The following CHST11 variants were observed in gnomAD, a reference collection of about 807,000 sequenced individuals.
The protein encoded by CHST11 is carbohydrate sulfotransferase 11, also known as C4S-1.
CHST11 carries 9 observed loss-of-function variants against 30.4 expected under a neutral mutation model. The observed-to-expected ratio is 0.30, with a 90% CI of 0.18 to 0.52. The LOEUF is 0.52. Among genes scored for constraint, CHST11 ranks in the 20% least tolerant of loss-of-function variants. CHST11 has a pLI of 0.97. For missense variants in CHST11, 348 were observed against 460.6 expected, an observed-to-expected ratio of 0.76 and a Z score of 2.24; for synonymous variants, 152 against 187.8, an observed-to-expected ratio of 0.81 and a Z score of 1.56.
At chr12:104,734,627 T>A (rs1002736276) in intron 2 of CHST11, among the ~76,000 whole-genome samples, 4 of 152,094 alleles carry the variant, frequency 2.6e-5, no homozygotes, top group Non-Finnish European at 4.4e-5. Flanking sequence ...TGGGGAGGAA[T>A]GAGGACCTGG....
intron 1 of CHST11, among the ~76,000 whole-genome samples, chr12:104,526,267 G>T (rs1453388372): frequency 6.6e-6 from 1 of 151,932 alleles, no homozygotes; most frequent in African/African-American, 2.4e-5. Context: ...ATTTCTCTTG[G>T]TGTTTTTGTT....
intron 2 of CHST11, among the ~76,000 whole-genome samples, chr12:104,721,201 G>C (rs1195895089): frequency 6.6e-6 from 1 of 152,210 alleles, no homozygotes; most frequent in Non-Finnish European, 1.5e-5. Flanking sequence ...AGGCATCACA[G>C]ATTTAAGGAG....
intron 1 of CHST11, among the ~76,000 whole-genome samples, chr12:104,468,239 G>C (rs2037476913): frequency 6.6e-6 from 1 of 152,158 alleles, no homozygotes; most frequent in South Asian, 2.1e-4. Context: ...GATTGAAGGA[G>C]ATGAGGGTAG....
At chr12:104,608,994 G>A (rs1053482894) in intron 2 of CHST11, among the ~76,000 whole-genome samples, 1 of 152,206 alleles carries the variant, frequency 6.6e-6, no homozygotes, top group East Asian at 1.9e-4. Context: ...CAGGCCAGGC[G>A]TCAGATGGAC....
intron 1 of CHST11, among the ~76,000 whole-genome samples, chr12:104,529,383 CTT>C (rs2038158811): frequency 6.6e-6 from 1 of 152,174 alleles, no homozygotes; most frequent in South Asian, 2.1e-4. Context: ...GCTTGACTCT[CTT>C]TGTTCTTTTA....
chr12:104,462,633 T>C (rs949995182), intron 1 of CHST11, among the ~76,000 whole-genome samples: 1 of 152,216 alleles, frequency 6.6e-6, no homozygotes, highest in African/African-American at 2.4e-5. Context: ...GCTGTTCTTA[T>C]GTTATACACC....
At chr12:104,737,558 A>G (rs547132701) in intron 2 of CHST11, among the ~76,000 whole-genome samples, 1 of 152,220 alleles carries the variant, frequency 6.6e-6, no homozygotes, top group South Asian at 2.1e-4. Flanking sequence ...GGGGTCATAG[A>G]TTAGTTAGTG....
At chr12:104,534,718 T>C (rs17035765) in intron 1 of CHST11, among the ~76,000 whole-genome samples, 2,294 of 152,308 alleles carry the variant, frequency 0.015, 70 homozygotes, top group African/African-American at 0.053. Context: ...CTTGAAGCTC[T>C]GCTAATCTCC....
intron 1 of CHST11, among the ~76,000 whole-genome samples, chr12:104,518,497 C>T (rs1032055467): frequency 7.2e-5 from 11 of 152,144 alleles, no homozygotes; most frequent in Admixed American, 2.6e-4. Flanking sequence ...TAGGCAAATA[C>T]GATGTCTGTG....
intron 2 of CHST11, among the ~76,000 whole-genome samples, chr12:104,612,290 C>T (rs1470821372): frequency 1.3e-5 from 2 of 152,062 alleles, no homozygotes; most frequent in African/African-American, 4.8e-5. Flanking sequence ...TTGGTTCCTT[C>T]TGAGGGCCGT....
intron 1 of CHST11, among the ~76,000 whole-genome samples, chr12:104,550,404 G>A (rs371887784): frequency 6.6e-6 from 1 of 152,190 alleles, no homozygotes; most frequent in Admixed American, 6.5e-5. Context: ...CTTGTTCCTC[G>A]AAGGCAGGGG....
At chr12:104,644,183 A>G (rs1398539041) in intron 2 of CHST11, among the ~76,000 whole-genome samples, 1 of 152,082 alleles carries the variant, frequency 6.6e-6, no homozygotes, top group Non-Finnish European at 1.5e-5. Context: ...TCTCTGCCGC[A>G]GCCACCCTCC....
chr12:104,604,083 A>C (rs982248190), intron 2 of CHST11, among the ~76,000 whole-genome samples: 11 of 151,952 alleles, frequency 7.2e-5, no homozygotes, highest in African/African-American at 2.7e-4. Flanking sequence ...CTGGGCCCAG[A>C]GTTGAGGGGA....
intron 2 of CHST11, among the ~76,000 whole-genome samples, chr12:104,741,552 T>C (rs969967678): frequency 2.6e-5 from 4 of 152,240 alleles, no homozygotes; most frequent in Admixed American, 6.5e-5. Flanking sequence ...TTACAGTCTG[T>C]TAATACATAT....
intron 1 of CHST11, among the ~76,000 whole-genome samples, chr12:104,580,736 T>G (rs12316446): frequency 1.3e-5 from 2 of 152,096 alleles, no homozygotes; most frequent in Non-Finnish European, 2.9e-5. Flanking sequence ...CATACTTCAG[T>G]TGGAAGGAAG....
chr12:104,640,642 A>G (rs932668992), intron 2 of CHST11, among the ~76,000 whole-genome samples: 1 of 152,168 alleles, frequency 6.6e-6, no homozygotes, highest in African/African-American at 2.4e-5. Context: ...GATTTTTAGG[A>G]CAGAAAACTA....
intron 2 of CHST11, among the ~76,000 whole-genome samples, chr12:104,717,926 G>A (rs976268142): frequency 6.6e-6 from 1 of 152,086 alleles, no homozygotes; most frequent in Non-Finnish European, 1.5e-5. Context: ...CTCCAGCCTG[G>A]GCGACAGAGC....
intron 2 of CHST11, among the ~76,000 whole-genome samples, chr12:104,733,121 A>G (rs2040270356): frequency 6.6e-6 from 1 of 152,224 alleles, no homozygotes; most frequent in Non-Finnish European, 1.5e-5. Context: ...CCTTGTCTCC[A>G]GGGTGTGTCC....
chr12:104,722,146 A>G (rs965275507), intron 2 of CHST11, among the ~76,000 whole-genome samples: 2 of 104,208 alleles, frequency 1.9e-5, no homozygotes, highest in Admixed American at 8.7e-5. Context: ...ATACTACCAC[A>G]CTCAGCTAAG....
Sources: gnomAD v4.1 joint callset for allele counts (sites outside exome capture counted in the v4.1 genomes callset) on GRCh38, gnomAD v4.1.1 for gene constraint, MANE v1.5 for transcripts, NCBI Gene and HGNC (gene_info 2026-07-23, HGNC 2026-07-21) for gene names.